The following AMMECR1 variants were observed in gnomAD, a reference collection of about 807,000 sequenced individuals.
AMMECR1 encodes the protein AMMECR nuclear protein 1, also known as nuclear protein AMMECR1.
AMMECR1 carries 3 observed loss-of-function variants against 22.5 expected under a neutral mutation model. The ratio of observed to expected loss-of-function variants is 0.13; its 90% CI spans 0.06 to 0.35. The LOEUF is 0.35. AMMECR1 is among the 10% of genes least tolerant of loss of function. The pLI is 1.00. For synonymous variants in AMMECR1, 130 were observed against 116.7 expected (o/e 1.11, Z -0.74); for missense variants, 235 against 278.7 (o/e 0.84, Z 1.12).
intron 1 of AMMECR1, among the ~76,000 whole-genome samples, chrX:110,313,837 A>G (rs147619578): frequency 0.011 from 1,233 of 111,723 alleles, 17 homozygotes; most frequent in African/African-American, 0.039. Context: ...ATGCTAAAGC[A>G]TAGTGACACA....
At chrX:110,230,963 G>A (rs968945766) in intron 2 of AMMECR1, among the ~76,000 whole-genome samples, 7 of 111,846 alleles carry the variant, frequency 6.3e-5, no homozygotes, top group Non-Finnish European at 1.3e-4. Context: ...GAAGTAAAGC[G>A]AGAAGACAAG....
At position 110,317,976 on chromosome X, in the gene AMMECR1, G is replaced by A; in HGVS notation, c.96C>T (p.His32=). Residue 32 remains histidine (H), a synonymous_variant, in exon 1 of 6, where the codon CAC becomes CAT. Transcript: ENST00000262844. ...CTCGGCACTGGCTCTCTCCGCTGCAGTGGGAGGAGGAGGAGGCGCCACCAC... is the reference window on the plus strand; with the variant it reads ...CTCGGCACTGGCTCTCTCCGCTGCAATGGGAGGAGGAGGAGGCGCCACCAC... The part of the protein sequence containing the change: ...GGGGGASSSS[H]CSGESQCRAG... 8.3e-7 allele frequency: 1 copy of A among 1,201,171 alleles called. No homozygotes were observed. The highest frequency in any genetic ancestry group is 1.1e-6 in the Non-Finnish European group (1 of 890,522).
At position 110,234,474 on chromosome X, in the gene AMMECR1, A is replaced by T. The variant is rs754553220; in HGVS notation, c.585-17842T>A. Reference sequence around the variant, plus strand: ...GACTTTCTTCACAGAACTGGAAAAAAACTACTTTAAAGTTCATATGGAACC... The same window carrying T: ...GACTTTCTTCACAGAACTGGAAAAATACTACTTTAAAGTTCATATGGAACC... On this transcript the variant is annotated intron_variant, in intron 2 of 5. Transcript: ENST00000262844. Among the ~76,000 whole-genome samples, 18 of 111,754 alleles carry T rather than the reference A, an allele frequency of 1.6e-4. No individual in the cohort carries two copies. The East Asian group carries it at 5.0e-3, about 31-fold the overall frequency.
At chrX:110,390,954 T>C (rs1049909196) in intron 2 of AMMECR1, among the ~76,000 whole-genome samples, 2 of 111,861 alleles carry the variant, frequency 1.8e-5, no homozygotes, top group African/African-American at 6.5e-5. Flanking sequence ...TTTTGTCATC[T>C]GGAACATGGT....
At chrX:110,407,154 G>T (rs1219221386) in intron 2 of AMMECR1, among the ~76,000 whole-genome samples, 1 of 112,362 alleles carries the variant, frequency 8.9e-6, no homozygotes, top group African/African-American at 3.2e-5. Flanking sequence ...ACCTGTTTAA[G>T]TATAGTTTCT....
intron 2 of AMMECR1, among the ~76,000 whole-genome samples, chrX:110,353,487 A>G (rs1221912056): frequency 9.0e-6 from 1 of 111,448 alleles, no homozygotes; most frequent in Non-Finnish European, 1.9e-5. Context: ...GCTGCATCCC[A>G]TAAGTTTTGG....
intron 2 of AMMECR1, among the ~76,000 whole-genome samples, chrX:110,365,007 T>C (rs1030975168): frequency 8.9e-6 from 1 of 111,823 alleles, no homozygotes; most frequent in Non-Finnish European, 1.9e-5. Context: ...CTAGAAACAG[T>C]AGGGACTTCC....
At chrX:110,390,295 T>C (rs997022335) in intron 2 of AMMECR1, among the ~76,000 whole-genome samples, 12 of 111,834 alleles carry the variant, frequency 1.1e-4, no homozygotes, top group Non-Finnish European at 2.3e-4. Context: ...TCAATTCAAG[T>C]TAAAAAATAA....
chrX:110,382,942 A>G (rs983680768), intron 2 of AMMECR1, among the ~76,000 whole-genome samples: 1 of 112,062 alleles, frequency 8.9e-6, no homozygotes, highest in African/African-American at 3.2e-5. Flanking sequence ...TTGGTGGCCC[A>G]TGGCCTATAA....
intron 3 of AMMECR1, among the ~76,000 whole-genome samples, chrX:110,209,441 G>C (rs947228128): frequency 2.7e-5 from 3 of 112,022 alleles, no homozygotes; most frequent in African/African-American, 9.7e-5. Context: ...ACTTAAAACA[G>C]GATGATACAG....
At chrX:110,418,372 T>G (rs1013263119) in intron 2 of AMMECR1, among the ~76,000 whole-genome samples, 1 of 112,227 alleles carries the variant, frequency 8.9e-6, no homozygotes, top group Non-Finnish European at 1.9e-5. Flanking sequence ...TGCTGAGAGC[T>G]GCGGTGAATA....
intron 1 of AMMECR1, among the ~76,000 whole-genome samples, chrX:110,279,458 T>C (rs1345993533): frequency 2.7e-5 from 3 of 112,432 alleles, no homozygotes. Context: ...ACTACAGAAT[T>C]ATATAATACA....
chrX:110,273,577 T>A (rs2067810627), intron 1 of AMMECR1, among the ~76,000 whole-genome samples: 1 of 112,043 alleles, frequency 8.9e-6, no homozygotes, highest in African/African-American at 3.2e-5. Flanking sequence ...TCCAGAAGAG[T>A]TTTTCCTAAG....
At chrX:110,225,659 G>A (rs192793839) in intron 2 of AMMECR1, among the ~76,000 whole-genome samples, 1 of 112,404 alleles carries the variant, frequency 8.9e-6, no homozygotes, top group African/African-American at 3.2e-5. Context: ...TCTGAGATCT[G>A]AAGTATTTCC....
intron 2 of AMMECR1, among the ~76,000 whole-genome samples, chrX:110,405,687 T>C (rs1355480089): frequency 8.9e-6 from 1 of 111,826 alleles, no homozygotes; most frequent in Non-Finnish European, 1.9e-5. Context: ...TCTATTAATC[T>C]TCACTATGAT....
At chrX:110,221,694 G>T (rs1342420255) in intron 2 of AMMECR1, among the ~76,000 whole-genome samples, 2 of 110,744 alleles carry the variant, frequency 1.8e-5, no homozygotes. Flanking sequence ...GTAATTCATG[G>T]GGAATAGAGG....
chrX:110,239,852 C>A (rs1209325244), intron 2 of AMMECR1, among the ~76,000 whole-genome samples: 1 of 112,014 alleles, frequency 8.9e-6, no homozygotes, highest in African/African-American at 3.3e-5. Context: ...AACAGTGGAT[C>A]TCTCGGCAGA....
chrX:110,410,121 G>C (rs1489278738), intron 2 of AMMECR1, among the ~76,000 whole-genome samples: 2 of 111,728 alleles, frequency 1.8e-5, no homozygotes, highest in Non-Finnish European at 3.8e-5. Flanking sequence ...GTAGCCAGCT[G>C]AGTCACCGAC....
At chrX:110,245,030 T>A (rs1330704321) in intron 2 of AMMECR1, among the ~76,000 whole-genome samples, 2 of 112,019 alleles carry the variant, frequency 1.8e-5, no homozygotes, top group African/African-American at 3.2e-5. Context: ...AGGCCATATT[T>A]TTTTAAAAAG....
Sources: allele counts gnomAD v4.1 joint callset (sites outside exome capture counted in the v4.1 genomes callset), GRCh38; gene constraint gnomAD v4.1.1; transcripts MANE v1.5; gene names NCBI Gene and HGNC (gene_info 2026-07-23, HGNC 2026-07-21).